Variants in BLTP1 observed in about 807,000 individuals in gnomAD.
BLTP1 encodes the protein bridge-like lipid transfer protein family member 1, also known as fragile site-associated protein.
At chr4:122,325,830 T>TA in the BLTP1 span, 9 of 1,066,950 alleles carry the variant, frequency 8.4e-6, no homozygotes, top group Non-Finnish European at 1.1e-5. Flanking sequence ...TTTTTTTTTT[T>TA]ACTTTTCTCA....
At chr4:122,245,281 T>A in the BLTP1 span, 1 of 637,072 alleles carries the variant, frequency 1.6e-6, no homozygotes, top group Non-Finnish European at 2.7e-6. Flanking sequence ...TCATTGGCTC[T>A]GTAAAAGATA....
chr4:122,212,948 A>G, the BLTP1 span, among the ~76,000 whole-genome samples: 1 of 152,252 alleles, frequency 6.6e-6, no homozygotes, highest in Non-Finnish European at 1.5e-5. Flanking sequence ...TATATCAAAG[A>G]CATGACAGGT....
At chr4:122,223,132 G>A in the BLTP1 span, 2 of 965,308 alleles carry the variant, frequency 2.1e-6, no homozygotes, top group African/African-American at 3.5e-5. Context: ...CACACAGCTT[G>A]GATGAAAATA....
At chr4:122,325,295 G>C in the BLTP1 span, 5 of 1,608,834 alleles carry the variant, frequency 3.1e-6, no homozygotes, top group African/African-American at 1.3e-5. Flanking sequence ...CCTGGACCTA[G>C]AGTAACTTTT....
At chr4:122,170,650 G>A in the BLTP1 span, 1 of 1,563,354 alleles carries the variant, frequency 6.4e-7, no homozygotes, top group South Asian at 1.2e-5. Flanking sequence ...CTTTAGTAAT[G>A]GATCAAAGGA....
At chr4:122,246,199 A>C in the BLTP1 span, 1 of 1,607,982 alleles carries the variant, frequency 6.2e-7, no homozygotes, top group Non-Finnish European at 8.5e-7. Flanking sequence ...AGCAGTCTAC[A>C]ATAGGAACGA....
the BLTP1 span, among the ~76,000 whole-genome samples, chr4:122,164,116 G>C: frequency 6.6e-6 from 1 of 152,162 alleles, no homozygotes; most frequent in Non-Finnish European, 1.5e-5. Context: ...GTGAGTATCT[G>C]CATGTTAATT....
the BLTP1 span, among the ~76,000 whole-genome samples, chr4:122,273,990 T>C: frequency 6.6e-6 from 1 of 152,032 alleles, no homozygotes; most frequent in African/African-American, 2.4e-5. Context: ...TGTGGTTTCT[T>C]TTTCTTATTT....
the BLTP1 span, chr4:122,189,305 A>G: frequency 2.0e-6 from 2 of 980,462 alleles, no homozygotes; most frequent in Non-Finnish European, 2.4e-6. Flanking sequence ...GCAAGAAGAT[A>G]TTGTGATGTA....
chr4:122,357,754 CAT>C, the BLTP1 span, among the ~76,000 whole-genome samples: 11 of 152,244 alleles, frequency 7.2e-5, no homozygotes, highest in South Asian at 4.1e-4. Context: ...GGTAAAATCA[CAT>C]ATGTGCTTCC....
chr4:122,169,136 G>A, the BLTP1 span, among the ~76,000 whole-genome samples: 1 of 151,684 alleles, frequency 6.6e-6, no homozygotes, highest in Admixed American at 6.6e-5. Flanking sequence ...TATTTTTTTG[G>A]CAGAGATGGG....
At chr4:122,293,591 C>T in the BLTP1 span, among the ~76,000 whole-genome samples, 3 of 148,330 alleles carry the variant, frequency 2.0e-5, no homozygotes, top group African/African-American at 5.0e-5. Context: ...TGTGGAGTCT[C>T]GGTGAAGCAG....
chr4:122,163,002 T>C, the BLTP1 span, among the ~76,000 whole-genome samples: 1 of 152,194 alleles, frequency 6.6e-6, no homozygotes, highest in Non-Finnish European at 1.5e-5. Flanking sequence ...TATTAAATAT[T>C]GTGCGCCTTC....
At chr4:122,274,552 T>G in the BLTP1 span, 1,211 of 1,430,408 alleles carry the variant, frequency 8.5e-4, 5 homozygotes, top group African/African-American at 0.015. Flanking sequence ...TCCCAGATAC[T>G]GAGAATCCTG....
chr4:122,244,549 T>G, the BLTP1 span: 85 of 364,012 alleles, frequency 2.3e-4, no homozygotes, highest in Non-Finnish European at 1.5e-4. Context: ...TAATATAATA[T>G]TACATATTAT....
chr4:122,224,656 A>C, the BLTP1 span: 1 of 1,614,054 alleles, frequency 6.2e-7, no homozygotes, highest in Non-Finnish European at 8.5e-7. Context: ...GAAGTCTTAC[A>C]GCTAAGGTCA....
the BLTP1 span, chr4:122,172,161 T>G: frequency 2.7e-4 from 88 of 329,022 alleles, no homozygotes; most frequent in Admixed American, 2.1e-3. Flanking sequence ...CCCTGGGAAT[T>G]GTATTTTATG....
At chr4:122,197,555 A>T in the BLTP1 span, 1 of 554,764 alleles carries the variant, frequency 1.8e-6, no homozygotes, top group Non-Finnish European at 2.3e-6. Flanking sequence ...ATGGTTTTCC[A>T]GTTAGACTGT....
At chr4:122,235,115 C>T in the BLTP1 span, 1 of 1,157,162 alleles carries the variant, frequency 8.6e-7, no homozygotes, top group Non-Finnish European at 1.2e-6. Flanking sequence ...CTGTTCAACT[C>T]AATTTACTTT....
Sources: gnomAD v4.1 joint callset for allele counts (sites outside exome capture counted in the v4.1 genomes callset) on GRCh38, gnomAD v4.1.1 for gene constraint, MANE v1.5 for transcripts, NCBI Gene and HGNC (gene_info 2026-07-23, HGNC 2026-07-21) for gene names.